The following VASH2 variants were observed in gnomAD, a reference collection of about 807,000 sequenced individuals.
VASH2 encodes vasohibin 2.
Under a neutral mutation model 37.2 loss-of-function variants are expected in VASH2, and 28 were observed. The observed-to-expected ratio is 0.75, with a 90% CI of 0.56 to 1.03. The LOEUF (loss-of-function observed/expected upper bound fraction) is 1.03, where lower values mean the gene tolerates loss of function less well. Among genes scored for constraint, VASH2 ranks in the 50% least tolerant of loss-of-function variants. VASH2 has a pLI of 0.00. For missense variants in VASH2, 419 were observed against 459.1 expected (o/e 0.91, Z 0.80); for synonymous variants, 188 against 174.7 (o/e 1.08, Z -0.60).
At chr1:212,961,361 G>T in intron 3 of VASH2, 107 bp downstream of exon 3, 15 of 1,584,714 alleles carry the variant, frequency 9.5e-6, no homozygotes, top group Non-Finnish European at 1.3e-5. Context: ...GCTCTCTAAG[G>T]TTGGTGAGGC....
intron 7 of VASH2, among the ~76,000 whole-genome samples, chr1:212,981,346 C>T (rs1239386390): frequency 6.6e-6 from 1 of 152,172 alleles, no homozygotes; most frequent in African/African-American, 2.4e-5. Context: ...GAGGGAGGAG[C>T]GGACTGGCCT....
At chr1:212,980,368 T>C (rs1359784868) in intron 7 of VASH2, among the ~76,000 whole-genome samples, 3 of 152,210 alleles carry the variant, frequency 2.0e-5, no homozygotes, top group Admixed American at 6.5e-5. Flanking sequence ...TTCTCTCCCC[T>C]GTGTGGCTGC....
intron 4 of VASH2, 53 bp from the exon 5 acceptor site, chr1:212,966,218 C>T (rs368363433): frequency 6.8e-6 from 10 of 1,469,758 alleles, no homozygotes; most frequent in African/African-American, 2.8e-5. Flanking sequence ...ACAGACTGAC[C>T]GAGTGTGTAA....
intron 7 of VASH2, among the ~76,000 whole-genome samples, chr1:212,980,508 C>T (rs1667311287): frequency 6.6e-6 from 1 of 152,170 alleles, no homozygotes. Flanking sequence ...CGGGCTCTGT[C>T]TGCCCTGCTG....
At chr1:212,981,590 C>T (rs190937396) in intron 7 of VASH2, among the ~76,000 whole-genome samples, 86 of 152,310 alleles carry the variant, frequency 5.6e-4, no homozygotes, top group Non-Finnish European at 1.0e-3. Context: ...TCTTAACATC[C>T]GGGATTAAGA....
intron 7 of VASH2, among the ~76,000 whole-genome samples, chr1:212,979,519 A>G (rs1667277507): frequency 6.6e-6 from 1 of 152,188 alleles, no homozygotes; most frequent in African/African-American, 2.4e-5. Flanking sequence ...CCTGTCTGCC[A>G]TGGATAATTT....
chr1:212,958,047 G>A (rs1666549616), intron 2 of VASH2, among the ~76,000 whole-genome samples: 1 of 152,242 alleles, frequency 6.6e-6, no homozygotes, highest in South Asian at 2.1e-4. Context: ...GAGGCTTAGA[G>A]AGGTCATGCA....
Position 212,961,351 on chromosome 1 carries a change from G to GCT in VASH2, c.365+102_365+103dup, listed in dbSNP as rs1380365634. On this transcript the variant is annotated intron_variant, in intron 3 of 7. Coordinates refer to ENST00000517399, the MANE Select transcript of VASH2 (RefSeq NM_001301056.2). ...ATCTGTCCCCAGCTGGTCATCAAAA[G>GCT]CTCTCTAAGGTTGGTGAGGCCAGGC... 7 of 1,595,580 alleles carry GCT rather than the reference G, an allele frequency of 4.4e-6. No individual in the cohort carries two copies. The African/African-American group carries it at 9.4e-5, about 21-fold the overall frequency.
chr1:212,988,596 C>T lies in VASH2; in HGVS notation c.*12C>T, dbSNP rs764305989. The T allele has an allele frequency of 5.0e-6, 8 of 1,613,978 alleles. No individual in the cohort carries two copies. Among genetic ancestry groups the T allele is most frequent in the African/African-American group, 2.7e-5 (2 of 75,040 alleles). On this transcript the variant is annotated 3_prime_UTR_variant, in exon 8 of 8. Transcript: ENST00000517399. Reference sequence around the variant, plus strand: ...AAATCCGAATTTAGCCAAGCCATACCGGCCAGCAAGAGGGTTTCTGTGGTG... The same window carrying T: ...AAATCCGAATTTAGCCAAGCCATACTGGCCAGCAAGAGGGTTTCTGTGGTG...
At chr1:212,960,631 C>CCA (rs1471115319) in intron 2 of VASH2, among the ~76,000 whole-genome samples, 1 of 152,222 alleles carries the variant, frequency 6.6e-6, no homozygotes, top group African/African-American at 2.4e-5. Flanking sequence ...CTCATGTGAT[C>CCA]CACACGCCTT....
At chr1:212,965,194 G>T (rs568018845) in intron 3 of VASH2, among the ~76,000 whole-genome samples, 1 of 152,078 alleles carries the variant, frequency 6.6e-6, no homozygotes, top group Non-Finnish European at 1.5e-5. Flanking sequence ...GGGGTTACAG[G>T]CATAAGCCAC....
At chr1:212,975,202 C>T (rs1033227036) in intron 7 of VASH2, among the ~76,000 whole-genome samples, 3 of 152,114 alleles carry the variant, frequency 2.0e-5, no homozygotes, top group Middle Eastern at 3.2e-3. Context: ...AGGGCAGAGT[C>T]GGGGAAGGTT....
At chr1:212,953,283 G>A (rs905399917) in intron 2 of VASH2, among the ~76,000 whole-genome samples, 2 of 152,014 alleles carry the variant, frequency 1.3e-5, no homozygotes, top group African/African-American at 4.8e-5. Context: ...TGTTTGTAGA[G>A]ACCAGTCTCC....
At chr1:212,970,176 C>T (rs1454687255) in intron 5 of VASH2, among the ~76,000 whole-genome samples, 14 of 152,174 alleles carry the variant, frequency 9.2e-5, no homozygotes, top group Admixed American at 4.6e-4. Flanking sequence ...CCTGGCTTGG[C>T]GCTGCTGCTC....
Position 212,967,214 on chromosome 1 carries a change from A to G in VASH2, c.497+869A>G, listed in dbSNP as rs1457403297. 8 of 1,302,796 alleles carry G rather than the reference A, an allele frequency of 6.1e-6. No individual in the cohort carries two copies. The Admixed American group carries it at 1.8e-4, about 30-fold the overall frequency. The allele number at this position is 1,302,796 out of a possible 1,614,324, so 80.7% of individuals were successfully genotyped here. On this transcript the variant is annotated intron_variant, in intron 5 of 7. Transcript: ENST00000517399. The stretch of plus-strand genomic sequence containing the variant: ...GCCTGAGAGGAATATGGTGCAGAGA[A>G]ACTGTGATGGCATCGACATATTGGT...
rs1048833699 is a variant in VASH2, at chr1:212,951,769, A to C, written c.227A>C (p.Lys76Thr). The change falls in exon 2 of 8, where the codon AAG becomes ACG. Residue 76 changes from lysine (K) to threonine (T), a missense_variant. Physicochemically the swap from Lys to Thr is moderately conservative, Grantham distance 78 (BLOSUM62 -1). Around this residue, in one of 3 missense-constraint regions of VASH2, gnomAD observed 158 missense variants for 163.0 expected, o/e 0.97. Coordinates refer to ENST00000517399, the MANE Select transcript of VASH2 (RefSeq NM_001301056.2). This position sits in a 1 kb window ranked among gnomAD's most constrained non-coding sequence, Gnocchi z 4.4. ...MWMHVAKVHPKGGEMVGAIRN... is the reference protein window; with the variant it reads ...MWMHVAKVHPTGGEMVGAIRN... ...ATGCACGTGGCCAAGGTGCACCCTA[A>C]GGGGGGAGAAATGGTGGGCGCCATC... 1.2e-6 allele frequency: 2 copies of C among 1,608,952 alleles called. No individual in the cohort carries two copies. The highest frequency in any genetic ancestry group is 1.7e-6 in the Non-Finnish European group (2 of 1,178,656).
rs1014738796 is a variant in VASH2, at chr1:212,951,242, G to A, written c.-204-97G>A. On this transcript the variant is annotated intron_variant, in intron 1 of 7. Transcript: ENST00000517399. This position sits in a 1 kb window ranked among gnomAD's most constrained non-coding sequence, Gnocchi z 4.4. ...AGGGAGGCTGTCAGCGTGCAGGGGG[G>A]AGCGGGGAGTGTCGTGGAGACACTC... The A allele has an allele frequency of 6.5e-6, 1 of 152,732 alleles. No homozygotes were observed. The highest frequency in any genetic ancestry group is 2.4e-5 in the African/African-American group (1 of 41,472). The allele number at this position is 152,732 out of a possible 1,614,324, so 9.5% of individuals were successfully genotyped here. A position where few individuals can be genotyped will look rare whatever the true frequency, so the allele number is the denominator to read the frequency against.
At position 212,950,774 on chromosome 1, in the gene VASH2, C is replaced by T; in HGVS notation, c.-205+34C>T. The T allele has an allele frequency of 6.5e-6, 1 of 153,554 alleles. No homozygotes were observed. The highest frequency in any genetic ancestry group is 1.5e-5 in the Non-Finnish European group (1 of 68,348). 9.5% of individuals were successfully genotyped at this position (153,554 alleles called of 1,614,324 possible). ...TTGGAGCTGCCGCGCGCCCTTCCTG[C>T]GCGCCGCCCGCCTGCAGCCAGTCCC... is the stretch of plus-strand genomic sequence containing the variant. On this transcript the variant is annotated intron_variant, in intron 1 of 7. Coordinates refer to ENST00000517399, the MANE Select transcript of VASH2 (RefSeq NM_001301056.2). This position sits in a 1 kb window ranked among gnomAD's most constrained non-coding sequence, Gnocchi z 5.5.
chr1:212,963,174 C>T (rs1252129554), intron 3 of VASH2, among the ~76,000 whole-genome samples: 1 of 152,166 alleles, frequency 6.6e-6, no homozygotes, highest in Admixed American at 6.5e-5. Context: ...TATTCTCTGC[C>T]ACATTTTCAT....
Sources: allele counts gnomAD v4.1 joint callset (sites outside exome capture counted in the v4.1 genomes callset), GRCh38; gene constraint gnomAD v4.1.1; regional missense constraint gnomAD v4.1.1; non-coding constraint Gnocchi (gnomAD v3.1); transcripts MANE v1.5; gene names NCBI Gene and HGNC (gene_info 2026-07-23, HGNC 2026-07-21).